Variants in AGBL4 observed in about 807,000 individuals in gnomAD.
The protein encoded by AGBL4 is AGBL carboxypeptidase 4.
AGBL4 carries 58 observed loss-of-function variants against 66.4 expected under a neutral mutation model. That is an observed-to-expected ratio of 0.87 (90% confidence interval 0.71 to 1.09). The LOEUF is 1.09. Among genes scored for constraint, AGBL4 ranks in the 50% least tolerant of loss-of-function variants. The pLI is 0.00. For missense variants in AGBL4, 579 were observed against 631.0 expected (o/e 0.92, Z 0.88); for synonymous variants, 234 against 222.9 (o/e 1.05, Z -0.44).
chr1:49,609,528 G>C (rs1009721238), intron 3 of AGBL4, among the ~76,000 whole-genome samples: 2 of 152,028 alleles, frequency 1.3e-5, no homozygotes, highest in African/African-American at 4.8e-5. Context: ...GAAAAAGAAG[G>C]GGATTAAAAT....
At position 48,539,725 on chromosome 1, in the gene AGBL4, C is replaced by T; in HGVS notation, c.1281G>A (p.Gly427=). The change falls in exon 12 of 14, where the codon GGG becomes GGA. Residue 427 remains glycine, a synonymous_variant. Coordinates refer to ENST00000371839, the MANE Select transcript of AGBL4 (RefSeq NM_032785.4). ...CCAAAAAGGTTCTTGCCACATTCCGCCCCAGCTTCATATCTGCAGGTGTGT... is the reference window on the plus strand; with the variant it reads ...CCAAAAAGGTTCTTGCCACATTCCGTCCCAGCTTCATATCTGCAGGTGTGT... The part of the protein sequence containing the change: ...PYTEEAYMKL[G]RNVARTFLDY... 1 of 1,540,442 alleles carries T rather than the reference C, an allele frequency of 6.5e-7. No individual in the cohort carries two copies. Among genetic ancestry groups the T allele is most frequent in the Non-Finnish European group, 8.8e-7 (1 of 1,139,306 alleles).
At chr1:48,627,913 T>C (rs1223699203) in intron 9 of AGBL4, among the ~76,000 whole-genome samples, 1 of 152,194 alleles carries the variant, frequency 6.6e-6, no homozygotes, top group Non-Finnish European at 1.5e-5. Flanking sequence ...CCTTTTCACT[T>C]GAGTTGGGAT....
intron 6 of AGBL4, among the ~76,000 whole-genome samples, chr1:48,704,537 CT>C (rs1201856729): frequency 2.0e-5 from 3 of 152,102 alleles, no homozygotes; most frequent in Non-Finnish European, 4.4e-5. Flanking sequence ...ATTCTATAAG[CT>C]TTTTTCCATG....
At chr1:48,962,202 A>G (rs1452003034) in intron 5 of AGBL4, among the ~76,000 whole-genome samples, 2 of 152,104 alleles carry the variant, frequency 1.3e-5, no homozygotes, top group African/African-American at 4.8e-5. Context: ...GAAAATCACA[A>G]CCCAGATACT....
intron 3 of AGBL4, among the ~76,000 whole-genome samples, chr1:49,420,362 T>G (rs1434590124): frequency 6.6e-6 from 1 of 152,120 alleles, no homozygotes; most frequent in Non-Finnish European, 1.5e-5. Context: ...TCTTGACAAA[T>G]CTACAAGAGT....
At chr1:49,937,516 C>T (rs1216709826) in intron 1 of AGBL4, among the ~76,000 whole-genome samples, 6 of 152,104 alleles carry the variant, frequency 3.9e-5, no homozygotes, top group African/African-American at 1.4e-4. Context: ...GAACTCTCCA[C>T]CCCAAATCAA....
chr1:48,589,634 G>A (rs967749472), intron 10 of AGBL4, among the ~76,000 whole-genome samples: 1 of 152,172 alleles, frequency 6.6e-6, no homozygotes, highest in Non-Finnish European at 1.5e-5. Flanking sequence ...CTCAGCATGT[G>A]AGATTGGTAG....
chr1:48,743,474 T>C (rs1176171255), intron 6 of AGBL4, among the ~76,000 whole-genome samples: 1 of 152,234 alleles, frequency 6.6e-6, no homozygotes, highest in African/African-American at 2.4e-5. Context: ...TCACCTATTG[T>C]GTGTTGATTA....
chr1:48,822,577 C>A (rs557494096), intron 6 of AGBL4, among the ~76,000 whole-genome samples: 8 of 152,356 alleles, frequency 5.3e-5, no homozygotes, highest in African/African-American at 1.7e-4. Context: ...CTACTCTGCT[C>A]TATTGATCTA....
intron 6 of AGBL4, among the ~76,000 whole-genome samples, chr1:48,749,167 G>C (rs1651253791): frequency 6.6e-6 from 1 of 152,158 alleles, no homozygotes; most frequent in South Asian, 2.1e-4. Flanking sequence ...TGACATATTT[G>C]AGAAGGAAAG....
chr1:48,912,669 C>T (rs1312568741), intron 5 of AGBL4, among the ~76,000 whole-genome samples: 3 of 152,144 alleles, frequency 2.0e-5, no homozygotes, highest in Non-Finnish European at 4.4e-5. Flanking sequence ...GGTTTCCTGT[C>T]CAGCCACTGG....
At chr1:49,466,083 A>C (rs1646624859) in intron 3 of AGBL4, among the ~76,000 whole-genome samples, 1 of 151,834 alleles carries the variant, frequency 6.6e-6, no homozygotes, top group African/African-American at 2.4e-5. Flanking sequence ...GTTCATATAT[A>C]TCTGAATCAT....
intron 11 of AGBL4, among the ~76,000 whole-genome samples, chr1:48,572,769 CCAGG>C (rs1275720775): frequency 6.6e-6 from 1 of 152,138 alleles, no homozygotes; most frequent in African/African-American, 2.4e-5. Flanking sequence ...TGACAAAGGA[CCAGG>C]CTGCCTTCCA....
intron 6 of AGBL4, among the ~76,000 whole-genome samples, chr1:48,836,800 A>T (rs552816679): frequency 1.3e-5 from 2 of 152,060 alleles, no homozygotes; most frequent in Non-Finnish European, 2.9e-5. Context: ...GGAGATAAGG[A>T]AATAAATGTC....
chr1:49,626,396 A>G (rs1052983616), intron 3 of AGBL4, among the ~76,000 whole-genome samples: 34 of 152,136 alleles, frequency 2.2e-4, no homozygotes, highest in African/African-American at 8.2e-4. Context: ...TCATACCTGT[A>G]AAGCAGGCAT....
intron 3 of AGBL4, among the ~76,000 whole-genome samples, chr1:49,262,812 C>T (rs928769250): frequency 6.6e-5 from 10 of 152,136 alleles, no homozygotes; most frequent in Admixed American, 5.2e-4. Flanking sequence ...TGGGTATATA[C>T]CCAAAGGACT....
intron 5 of AGBL4, among the ~76,000 whole-genome samples, chr1:49,019,219 G>A (rs1401802098): frequency 1.3e-5 from 2 of 152,112 alleles, no homozygotes; most frequent in African/African-American, 4.8e-5. Flanking sequence ...ATAAGAGACG[G>A]GTTATATGCC....
chr1:48,555,911 C>T lies in AGBL4; in HGVS notation c.1268-16173G>A, dbSNP rs375353406. ...CAAGAATAGCACACCAGGTTCCTGC[C>T]TTGGAGAACTGCATGGTGGTGTTCC... On this transcript the variant is annotated intron_variant, in intron 11 of 13. Coordinates refer to ENST00000371839, the MANE Select transcript of AGBL4 (RefSeq NM_032785.4). Among the ~76,000 whole-genome samples, 52 of 152,292 alleles carry T rather than the reference C, an allele frequency of 3.4e-4. No individual in the cohort carries two copies. In the East Asian group the frequency reaches 5.6e-3, roughly 16 times the overall value.
intron 5 of AGBL4, among the ~76,000 whole-genome samples, chr1:49,019,898 A>G (rs2149019799): frequency 6.6e-6 from 1 of 152,310 alleles, no homozygotes; most frequent in East Asian, 1.9e-4. Context: ...GATCTTTAAA[A>G]TGGACAGAGT....
Sources: gnomAD v4.1 joint callset for allele counts (sites outside exome capture counted in the v4.1 genomes callset) on GRCh38, gnomAD v4.1.1 for gene constraint, MANE v1.5 for transcripts, NCBI Gene and HGNC (gene_info 2026-07-23, HGNC 2026-07-21) for gene names.